Variants in KCND3 observed in about 807,000 individuals in gnomAD.
KCND3 encodes potassium voltage-gated channel subfamily D member 3.
KCND3 carries 9 observed loss-of-function variants against 51.1 expected under a neutral mutation model. The ratio of observed to expected loss-of-function variants is 0.18; its 90% confidence interval spans 0.11 to 0.31. The LOEUF (loss-of-function observed/expected upper bound fraction) is 0.31. Among genes scored for constraint, KCND3 ranks in the 10% least tolerant of loss-of-function variants. The pLI, the probability that KCND3 is intolerant of heterozygous loss-of-function variation, is 1.00. For missense variants in KCND3, 526 were observed against 903.8 expected (o/e 0.58, Z 5.36); for synonymous variants, 349 against 368.0 (o/e 0.95, Z 0.59).
chr1:111,934,458 A>C (rs749357885), intron 2 of KCND3, among the ~76,000 whole-genome samples: 1 of 152,234 alleles, frequency 6.6e-6, no homozygotes, highest in Non-Finnish European at 1.5e-5. Flanking sequence ...TGGCCACAGC[A>C]AGCACCTCAG....
rs147347902 is a variant in KCND3, at chr1:111,867,224, TC to T, written c.1107-80119del. On this transcript the variant is annotated intron_variant, in intron 2 of 7. Transcript: ENST00000302127. ...TCTTGCCCGTCATTTTCTAGGCACA[TC>T]CTAGGGTAGAAAACCCAGTGAGTTG... 6.2e-3 allele frequency among the ~76,000 whole-genome samples: 937 copies of T among 152,248 alleles called. 9 individuals are homozygous for T. The highest frequency in any genetic ancestry group is 0.02 in the African/African-American group (827 of 41,546).
chr1:111,887,175 T>A (rs150159176), intron 2 of KCND3, among the ~76,000 whole-genome samples: 17 of 152,306 alleles, frequency 1.1e-4, no homozygotes, highest in Admixed American at 5.9e-4. Flanking sequence ...GCTGCCCCAG[T>A]GCTGAAGAGT....
chr1:111,930,664 GA>G (rs34294424), intron 2 of KCND3, among the ~76,000 whole-genome samples: 61 of 146,918 alleles, frequency 4.2e-4, no homozygotes, highest in South Asian at 1.1e-3. Flanking sequence ...CCCAAGTGTA[GA>G]AAAAAAAAAA....
intron 2 of KCND3, among the ~76,000 whole-genome samples, chr1:111,951,204 C>T (rs2101906775): frequency 6.7e-6 from 1 of 148,354 alleles, no homozygotes; most frequent in Non-Finnish European, 1.5e-5. Context: ...GTAACAACAG[C>T]CTGCATTTAT....
At chr1:111,843,514 C>T (rs571562518) in intron 2 of KCND3, among the ~76,000 whole-genome samples, 27 of 152,290 alleles carry the variant, frequency 1.8e-4, no homozygotes, top group African/African-American at 6.0e-4. Flanking sequence ...TGGAGAGTGT[C>T]CAGGTGGCCT....
intron 2 of KCND3, among the ~76,000 whole-genome samples, chr1:111,957,705 C>T (rs1557745935): frequency 6.6e-6 from 1 of 152,196 alleles, no homozygotes; most frequent in Non-Finnish European, 1.5e-5. Flanking sequence ...CTGCCCTCTA[C>T]TCTTTATGGC....
intron 2 of KCND3, among the ~76,000 whole-genome samples, chr1:111,818,198 G>A (rs1037852837): frequency 1.3e-5 from 2 of 152,164 alleles, no homozygotes; most frequent in Non-Finnish European, 2.9e-5. Flanking sequence ...TGTGGGGAGG[G>A]GATTTGGAGC....
At chr1:111,810,462 C>T (rs144583823) in intron 2 of KCND3, among the ~76,000 whole-genome samples, 283 of 152,294 alleles carry the variant, frequency 1.9e-3, no homozygotes, top group African/African-American at 6.4e-3. Flanking sequence ...ACCCAAAGGC[C>T]GATGCTGGGC....
In KCND3 at chr1:111,982,352, C is replaced by A. The variant is rs2289723; in HGVS notation, c.375G>T (p.Pro125=). 9 of 1,613,968 alleles carry A rather than the reference C, an allele frequency of 5.6e-6. No individual in the cohort carries two copies. Among genetic ancestry groups the A allele is most frequent in the Non-Finnish European group, 7.6e-6 (9 of 1,180,038 alleles). Residue 125 remains proline, a synonymous_variant, in exon 2 of 8, where the codon CCG becomes CCT. Transcript: ENST00000302127. The surrounding 1 kb of genome is among the most constrained non-coding windows in gnomAD (Gnocchi z 8.5). ...DDELAFYGIL[P]EIIGDCCYEE... ...CGTAGCAGCAGTCCCCGATGATCTC[C>A]GGGAGGATGCCGTAGAAGGCCAGCT...
chr1:111,837,182 A>G (rs1667103565), intron 2 of KCND3, among the ~76,000 whole-genome samples: 1 of 152,216 alleles, frequency 6.6e-6, no homozygotes, highest in African/African-American at 2.4e-5. Flanking sequence ...TTAGGGTCTC[A>G]GTGAATTAAT....
At chr1:111,919,278 G>A (rs917904488) in intron 2 of KCND3, among the ~76,000 whole-genome samples, 1 of 151,350 alleles carries the variant, frequency 6.6e-6, no homozygotes, top group Admixed American at 6.6e-5. Context: ...TAGGTGCTAT[G>A]AATGAAGTAA....
intron 2 of KCND3, among the ~76,000 whole-genome samples, chr1:111,859,928 G>A (rs1173446533): frequency 2.6e-5 from 4 of 152,204 alleles, no homozygotes; most frequent in East Asian, 1.9e-4. Context: ...CCAGGGTGGC[G>A]GGAGGTGTGA....
At chr1:111,785,430 G>A (rs1233603067) in intron 3 of KCND3, among the ~76,000 whole-genome samples, 1 of 152,166 alleles carries the variant, frequency 6.6e-6, no homozygotes, top group Admixed American at 6.5e-5. Flanking sequence ...CTTGGGTGAA[G>A]AGGTAGGAGA....
chr1:111,938,928 C>A (rs931615095), intron 2 of KCND3, among the ~76,000 whole-genome samples: 1 of 152,190 alleles, frequency 6.6e-6, no homozygotes, highest in Non-Finnish European at 1.5e-5. Flanking sequence ...CAGGGAACCC[C>A]TGCAGCTCCA....
chr1:111,926,513 G>A (rs943920956), intron 2 of KCND3, among the ~76,000 whole-genome samples: 2 of 152,250 alleles, frequency 1.3e-5, no homozygotes, highest in Non-Finnish European at 2.9e-5. Context: ...CCTCACAGGT[G>A]CCTGTCCCGT....
chr1:111,888,223 A>G (rs1451098342), intron 2 of KCND3, among the ~76,000 whole-genome samples: 1 of 152,262 alleles, frequency 6.6e-6, no homozygotes, highest in Non-Finnish European at 1.5e-5. Context: ...GCCAGAGGCC[A>G]AGAGAAGAAG....
chr1:111,783,061 C>A (rs1664452375), intron 3 of KCND3, among the ~76,000 whole-genome samples: 1 of 152,122 alleles, frequency 6.6e-6, no homozygotes, highest in Non-Finnish European at 1.5e-5. Flanking sequence ...TGTGAGTTGG[C>A]TGGAAGGCCA....
intron 1 of KCND3, among the ~76,000 whole-genome samples, chr1:111,986,418 C>G (rs569779408): frequency 5.3e-4 from 80 of 152,312 alleles, no homozygotes; most frequent in Non-Finnish European, 8.4e-4. Flanking sequence ...CTTTCCTGAT[C>G]TAGGTGTTGC....
At chr1:111,878,354 A>T (rs1193077609) in intron 2 of KCND3, among the ~76,000 whole-genome samples, 1 of 152,238 alleles carries the variant, frequency 6.6e-6, no homozygotes, top group Non-Finnish European at 1.5e-5. Flanking sequence ...AGTCAGCACG[A>T]GCTCAGCTGC....
Sources: allele counts gnomAD v4.1 joint callset (sites outside exome capture counted in the v4.1 genomes callset), GRCh38; gene constraint gnomAD v4.1.1; non-coding constraint Gnocchi (gnomAD v3.1); transcripts MANE v1.5; gene names NCBI Gene and HGNC (gene_info 2026-07-23, HGNC 2026-07-21).